Variants in SPP2 observed in about 807,000 individuals in gnomAD.
The protein encoded by SPP2 is secreted phosphoprotein 24.
In SPP2, 34 loss-of-function variants were observed where a neutral mutation model predicts 28.8. The observed-to-expected ratio is 1.18, with a 90% confidence interval of 0.90 to 1.57. The LOEUF is 1.57. SPP2 is among the 40% of genes most tolerant of loss of function. SPP2 has a pLI of 0.00. For missense variants in SPP2, 269 were observed against 263.9 expected, an observed-to-expected ratio of 1.02 and a Z score of -0.13; for synonymous variants, 96 against 89.4, an observed-to-expected ratio of 1.07 and a Z score of -0.42.
At position 234,064,256 on chromosome 2, in the gene SPP2, TC is replaced by T. The variant is rs1693775797; in HGVS notation, c.445-2276del. Among the ~76,000 whole-genome samples the T allele has an allele frequency of 2.0e-5, 3 of 151,824 alleles. No individual in the cohort carries two copies. The South Asian group carries it at 6.3e-4, about 32-fold the overall frequency. On this transcript the variant is annotated intron_variant, in intron 4 of 7. Transcript: ENST00000168148. ...TTCTCCTCCTTCCTCTGTCTCTCTC[TC>T]TCTCTCTGTCACTGTGCCTTCTGCA...
At position 234,065,610 on chromosome 2, in the gene SPP2, C is replaced by T. The variant is rs901818285; in HGVS notation, c.445-923C>T. ...GTGGTTTTAATTTACATTTTTCTAA[C>T]GACTAATGATTGGCCATTATACATC... On this transcript the variant is annotated intron_variant, in intron 4 of 7. Transcript: ENST00000168148. Among the ~76,000 whole-genome samples, 10 of 152,278 alleles carry T rather than the reference C, an allele frequency of 6.6e-5. 1 individual carries two copies. Among genetic ancestry groups the T allele is most frequent in the Admixed American group, 2.6e-4 (4 of 15,282 alleles).
intron 6 of SPP2, among the ~76,000 whole-genome samples, chr2:234,068,071 A>C (rs1693863098): frequency 6.6e-6 from 1 of 152,202 alleles, no homozygotes; most frequent in Non-Finnish European, 1.5e-5. Flanking sequence ...AATGGATGAA[A>C]CAAAGTTATT....
intron 7 of SPP2, among the ~76,000 whole-genome samples, chr2:234,075,776 C>G (rs906048113): frequency 2.0e-5 from 3 of 152,146 alleles, no homozygotes; most frequent in African/African-American, 2.4e-5. Context: ...TCAATGGCAG[C>G]CTGCCAGACA....
rs762613674 is a variant in SPP2 at position 234,051,010 on chromosome 2, A to T, written c.125A>T (p.Asp42Val). Residue 42 changes from aspartate (D) to valine (V), a missense_variant, in exon 2 of 8, where the codon GAT becomes GTT. By Grantham distance (152) the Asp-to-Val change is radical (BLOSUM62 -3). Coordinates refer to ENST00000168148, the MANE Select transcript of SPP2 (RefSeq NM_006944.3). The stretch of plus-strand genomic sequence containing the variant: ...GACTACGATCCATCCTCCTTAAGGG[A>T]TGCCCTCAGTGCCTCTGTGGTAAAA... ...VYDYDPSSLR[D>V]ALSASVVKVN... 2.5e-6 allele frequency: 4 copies of T among 1,613,974 alleles called. No homozygotes were observed. In the South Asian group the frequency reaches 4.4e-5, roughly 18 times the overall value.
At chr2:234,074,203 T>C (rs937169514) in intron 7 of SPP2, among the ~76,000 whole-genome samples, 1 of 152,158 alleles carries the variant, frequency 6.6e-6, no homozygotes, top group African/African-American at 2.4e-5. Context: ...AAAAATAGTA[T>C]GAGAGGGCAA....
intron 2 of SPP2, among the ~76,000 whole-genome samples, chr2:234,054,265 G>A (rs1381225898): frequency 6.6e-6 from 1 of 152,200 alleles, no homozygotes; most frequent in African/African-American, 2.4e-5. Flanking sequence ...GTGGAGAGCG[G>A]TCAGAGAGGT....
chr2:234,058,177 T>A (rs566570651), intron 2 of SPP2, among the ~76,000 whole-genome samples: 1 of 152,324 alleles, frequency 6.6e-6, no homozygotes, highest in South Asian at 2.1e-4. Context: ...AAGCTTACCT[T>A]ACTCACATAT....
chr2:234,074,344 A>G lies in SPP2; in HGVS notation c.*11-2501A>G, dbSNP rs28904015. Among the ~76,000 whole-genome samples, 190 of 152,296 alleles carry G rather than the reference A, an allele frequency of 1.2e-3. 1 individual carries two copies. Among genetic ancestry groups the G allele is most frequent in the African/African-American group, 4.3e-3 (180 of 41,560 alleles). ...GCAACATATCTGCTTATCATCAACT[A>G]TGTGGAAGGACCGGTCCCTAAAACC... is the stretch of plus-strand genomic sequence containing the variant. On this transcript the variant is annotated intron_variant, in intron 7 of 7. Transcript: ENST00000168148.
intron 2 of SPP2, among the ~76,000 whole-genome samples, chr2:234,052,352 G>C (rs954959348): frequency 2.0e-5 from 3 of 152,132 alleles, no homozygotes; most frequent in African/African-American, 7.2e-5. Flanking sequence ...TGTGGAATCG[G>C]GGTCTTTTTG....
chr2:234,067,573 C>T (rs1024527586), intron 6 of SPP2, among the ~76,000 whole-genome samples: 1 of 151,852 alleles, frequency 6.6e-6, no homozygotes, highest in Non-Finnish European at 1.5e-5. Flanking sequence ...GTCAGGAGAT[C>T]GAGACCATCC....
Position 234,066,570 on chromosome 2 carries a change from G to T in SPP2, c.482G>T (p.Arg161Ile), listed in dbSNP as rs375850205. ...FGDMLGSHKWRNNYLFGLISD... is the reference protein window; with the variant it reads ...FGDMLGSHKWINNYLFGLISD... ...GACATGTTGGGATCTCATAAATGGA[G>T]AAACAATTATCTATTTGGTAAGTTA... The change falls in exon 5 of 8, where the codon AGA becomes ATA. Residue 161 changes from arginine (R) to isoleucine (I), a missense_variant. Coordinates refer to ENST00000168148, the MANE Select transcript of SPP2 (RefSeq NM_006944.3). 51 of 1,611,846 alleles carry T rather than the reference G, an allele frequency of 3.2e-5. No homozygotes were observed. The highest frequency in any genetic ancestry group is 4.2e-5 in the Non-Finnish European group (49 of 1,179,444).
chr2:234,071,522 CG>C (rs1221375080), intron 7 of SPP2, among the ~76,000 whole-genome samples: 11 of 152,262 alleles, frequency 7.2e-5, no homozygotes, highest in Admixed American at 7.2e-4. Flanking sequence ...GAAGGGCACA[CG>C]TAAGAGGAAT....
intron 5 of SPP2, 150 bp downstream of exon 5, chr2:234,066,737 T>G: frequency 1.5e-6 from 1 of 652,570 alleles, no homozygotes; most frequent in Non-Finnish European, 2.6e-6. Context: ...TGTTTTGCTT[T>G]TGCTTATTTT....
At chr2:234,075,902 C>G (rs1690885340) in intron 7 of SPP2, among the ~76,000 whole-genome samples, 1 of 152,230 alleles carries the variant, frequency 6.6e-6, no homozygotes, top group Non-Finnish European at 1.5e-5. Context: ...GCAGATGCAT[C>G]TCAGACCTCC....
intron 7 of SPP2, among the ~76,000 whole-genome samples, chr2:234,070,356 AC>A (rs1244008732): frequency 6.6e-6 from 1 of 152,124 alleles, no homozygotes. Flanking sequence ...TCCTTGCTAA[AC>A]TTTTTGACAC....
At chr2:234,062,553 G>A (rs2125459871) in intron 4 of SPP2, among the ~76,000 whole-genome samples, 1 of 151,052 alleles carries the variant, frequency 6.6e-6, no homozygotes, top group Non-Finnish European at 1.5e-5. Flanking sequence ...CTATGAAAGA[G>A]TTTTAAGTGT....
In SPP2 at chr2:234,056,731, C is replaced by T. The variant is rs957390157; in HGVS notation, c.211-2105C>T. Among the ~76,000 whole-genome samples, 7 of 152,014 alleles carry T rather than the reference C, an allele frequency of 4.6e-5. No homozygotes were observed. The South Asian group carries it at 1.2e-3, about 27-fold the overall frequency. On this transcript the variant is annotated intron_variant, in intron 2 of 7. Transcript: ENST00000168148. Reference sequence around the variant, plus strand: ...TATTTTTTAATTTTTTAATGAGACACAGATTTAACGTTCAATATATTAAAA... The same window carrying T: ...TATTTTTTAATTTTTTAATGAGACATAGATTTAACGTTCAATATATTAAAA...
At chr2:234,072,389 A>G (rs939903688) in intron 7 of SPP2, among the ~76,000 whole-genome samples, 8 of 151,774 alleles carry the variant, frequency 5.3e-5, no homozygotes, top group African/African-American at 1.9e-4. Context: ...AATGTAAATG[A>G]TATCTTTTTT....
intron 4 of SPP2, among the ~76,000 whole-genome samples, chr2:234,065,891 T>C (rs1693809092): frequency 6.6e-6 from 1 of 152,226 alleles, no homozygotes; most frequent in Admixed American, 6.5e-5. Flanking sequence ...AGGAAGGGGT[T>C]TGACTTCATT....
Sources: allele counts gnomAD v4.1 joint callset (sites outside exome capture counted in the v4.1 genomes callset), GRCh38; gene constraint gnomAD v4.1.1; transcripts MANE v1.5; gene names NCBI Gene and HGNC (gene_info 2026-07-23, HGNC 2026-07-21).